Variants in CDH1 observed in about 807,000 individuals in gnomAD.
The protein encoded by CDH1 is cadherin-1.
Under a neutral mutation model 84.5 loss-of-function variants are expected in CDH1, and 35 were observed. That is an observed-to-expected ratio of 0.41 (90% CI 0.32 to 0.55). The LOEUF is 0.55. Among genes scored for constraint, CDH1 ranks in the 20% least tolerant of loss-of-function variants. CDH1 has a pLI of 0.19. For missense variants in CDH1, 994 were observed against 1,126.6 expected (o/e 0.88, Z 1.68); for synonymous variants, 417 against 439.0 (o/e 0.95, Z 0.63).
At chr16:68,791,730 A>G (rs1028173571) in intron 2 of CDH1, among the ~76,000 whole-genome samples, 3 of 151,478 alleles carry the variant, frequency 2.0e-5, no homozygotes, top group Admixed American at 2.0e-4. Context: ...TTATTGATTT[A>G]CTTGTTAATT....
Position 68,808,740 on chromosome 16 carries a change from T to C in CDH1, c.579T>C (p.Thr193=). 6.2e-7 allele frequency: 1 copy of C among 1,614,144 alleles called. No individual in the cohort carries two copies. Among genetic ancestry groups the C allele is most frequent in the Non-Finnish European group, 8.5e-7 (1 of 1,180,016 alleles). ...AAGGCAAGGTTTTCTACAGCATCAC[T>C]GGCCAAGGAGCTGACACACCCCCTG... is the stretch of plus-strand genomic sequence containing the variant. ...DKEGKVFYSI[T]GQGADTPPVG... Residue 193 remains threonine (T), a synonymous_variant, in exon 5 of 16, where the codon ACT becomes ACC. Coordinates refer to ENST00000261769, the MANE Select transcript of CDH1 (RefSeq NM_004360.5).
At chr16:68,740,783 A>C (rs1419892917) in intron 2 of CDH1, among the ~76,000 whole-genome samples, 1 of 152,040 alleles carries the variant, frequency 6.6e-6, no homozygotes, top group Admixed American at 6.6e-5. Flanking sequence ...CACATATTTT[A>C]CCTCATTTAG....
chr16:68,770,357 C>T (rs1387509193), intron 2 of CDH1, among the ~76,000 whole-genome samples: 1 of 152,098 alleles, frequency 6.6e-6, no homozygotes, highest in Non-Finnish European at 1.5e-5. Context: ...TCTTGTGTCC[C>T]ATCCCCACTC....
rs1343572338 is a variant in CDH1, at chr16:68,737,383, G to T, written c.-33G>T. 3.3e-6 allele frequency: 5 copies of T among 1,527,714 alleles called. No homozygotes were observed. The highest frequency in any genetic ancestry group is 4.4e-6 in the Non-Finnish European group (5 of 1,142,848). The allele number at this position is 1,527,714 out of a possible 1,614,324, so 94.6% of individuals were successfully genotyped here. ...GCCCGGCCCGACCCGACCGCACCCGGCGCCTGCCCTCGCTCGGCGTCCCCG... is the reference window on the plus strand; with the variant it reads ...GCCCGGCCCGACCCGACCGCACCCGTCGCCTGCCCTCGCTCGGCGTCCCCG... On this transcript the variant is annotated 5_prime_UTR_variant, in exon 1 of 16. Transcript: ENST00000261769.
At chr16:68,778,390 A>T (rs972784146) in intron 2 of CDH1, among the ~76,000 whole-genome samples, 1 of 152,174 alleles carries the variant, frequency 6.6e-6, no homozygotes, top group African/African-American at 2.4e-5. Flanking sequence ...TGTTAATGAT[A>T]TCTCAATATT....
chr16:68,772,342 G>T lies in CDH1; in HGVS notation c.164-29328G>T, dbSNP rs147924298. On this transcript the variant is annotated intron_variant, in intron 2 of 15. Transcript: ENST00000261769. ...AAGCTTCCTCTCTAATTTATGGTTT[G>T]TCCCTCTCCAACATATGGGAGAGAT... 1.0e-3 allele frequency among the ~76,000 whole-genome samples: 156 copies of T among 152,296 alleles called. 1 individual carries two copies. The highest frequency in any genetic ancestry group is 1.2e-3 in the East Asian group (6 of 5,188).
chr16:68,818,849 C>CAAAAAAAA (rs758115524), intron 10 of CDH1, among the ~76,000 whole-genome samples: 5 of 72,474 alleles, frequency 6.9e-5, no homozygotes, highest in East Asian at 5.9e-4. Flanking sequence ...GACTCCGTCT[C>CAAAAAAAA]AAAAAAAAAA....
chr16:68,801,719 C>T lies in CDH1; in HGVS notation c.213C>T (p.Leu71=), dbSNP rs376667778. The part of the protein sequence containing the change: ...TGRQRTAYFS[L]DTRFKVGTDG... The stretch of plus-strand genomic sequence containing the variant: ...GACAAAGGACAGCCTATTTTTCCCT[C>T]GACACCCGATTCAAAGTGGGCACAG... Residue 71 remains leucine (L), a synonymous_variant, in exon 3 of 16, where the codon CTC becomes CTT. Coordinates refer to ENST00000261769, the MANE Select transcript of CDH1 (RefSeq NM_004360.5). 21 of 1,614,012 alleles carry T rather than the reference C, an allele frequency of 1.3e-5. No individual in the cohort carries two copies. Among genetic ancestry groups the T allele is most frequent in the African/African-American group, 4.0e-5 (3 of 74,922 alleles).
chr16:68,811,967 GGTCTAAGCTTTGC>G (rs1960848625), intron 7 of CDH1, 108 bp downstream of exon 7: 1 of 1,464,686 alleles, frequency 6.8e-7, no homozygotes, highest in African/African-American at 1.4e-5. Context: ...ATACAGTGAT[GGTCTAAGCTTTGC>G]ATCTAAGCTT....
intron 2 of CDH1, among the ~76,000 whole-genome samples, chr16:68,758,334 CAT>C (rs1450315684): frequency 3.6e-5 from 5 of 139,208 alleles, no homozygotes; most frequent in African/African-American, 1.3e-4. Context: ...AGGGGATAAA[CAT>C]AGCCCCTACC....
At position 68,829,810 on chromosome 16, in the gene CDH1, C is replaced by T. The variant is rs765027434; in HGVS notation, c.2439+13C>T. Reference sequence around the variant, plus strand: ...TTTTATTGATGAAGTAAGTAATCCACGTGGAAAGCCAAAGCATGGCTCATC... The same window carrying T: ...TTTTATTGATGAAGTAAGTAATCCATGTGGAAAGCCAAAGCATGGCTCATC... On this transcript the variant is annotated intron_variant, in intron 15 of 15. Transcript: ENST00000261769. The T allele has an allele frequency of 5.0e-6, 8 of 1,612,958 alleles. No individual in the cohort carries two copies. Among genetic ancestry groups the T allele is most frequent in the Admixed American group, 1.7e-5 (1 of 59,976 alleles).
At chr16:68,755,703 C>T (rs1007330721) in intron 2 of CDH1, among the ~76,000 whole-genome samples, 4 of 152,004 alleles carry the variant, frequency 2.6e-5, no homozygotes, top group East Asian at 1.9e-4. Context: ...TTCCAAGCCA[C>T]TCCCCACCCC....
chr16:68,785,404 C>T (rs1318545625), intron 2 of CDH1, among the ~76,000 whole-genome samples: 2 of 152,166 alleles, frequency 1.3e-5, no homozygotes, highest in African/African-American at 4.8e-5. Flanking sequence ...GTTGGCCAGG[C>T]TGGTCTCCAA....
chr16:68,822,472 C>T, intron 12 of CDH1: 1 of 578,768 alleles, frequency 1.7e-6, no homozygotes, highest in Admixed American at 2.7e-5. Context: ...CAGCCTCTAG[C>T]CACCCTCCAC....
At chr16:68,767,746 A>G (rs1003046035) in intron 2 of CDH1, among the ~76,000 whole-genome samples, 2 of 152,180 alleles carry the variant, frequency 1.3e-5, no homozygotes, top group Admixed American at 6.5e-5. Flanking sequence ...CATAATAGCT[A>G]TATGTATTTC....
chr16:68,833,841 T>A lies in CDH1; in HGVS notation c.*342T>A. The A allele has an allele frequency of 2.5e-6, 1 of 392,682 alleles. No homozygotes were observed. Among genetic ancestry groups the A allele is most frequent in the South Asian group, 3.0e-5 (1 of 32,876 alleles). 24.3% of individuals were successfully genotyped at this position (392,682 alleles called of 1,614,324 possible). ...TTGCAGATTTTCTTAAGGAATTTTG[T>A]CTCACTTTTAAAAAGAAGGGGAGAA... is the stretch of plus-strand genomic sequence containing the variant. On this transcript the variant is annotated 3_prime_UTR_variant, in exon 16 of 16. Coordinates refer to ENST00000261769, the MANE Select transcript of CDH1 (RefSeq NM_004360.5).
At chr16:68,808,153 T>G (rs962810244) in intron 3 of CDH1, among the ~76,000 whole-genome samples, 1 of 152,218 alleles carries the variant, frequency 6.6e-6, no homozygotes, top group Non-Finnish European at 1.5e-5. Flanking sequence ...TACTTGTGTA[T>G]GCATGATGAT....
intron 2 of CDH1, among the ~76,000 whole-genome samples, chr16:68,775,694 T>G (rs923674727): frequency 1.6e-4 from 24 of 152,256 alleles, no homozygotes; most frequent in Admixed American, 4.6e-4. Flanking sequence ...AAAGCATAGC[T>G]GGCATTTCTA....
chr16:68,801,960 C>T (rs1960529637), intron 3 of CDH1, 67 bp downstream of exon 3: 3 of 1,312,414 alleles, frequency 2.3e-6, no homozygotes, highest in Non-Finnish European at 3.3e-6. Context: ...GGTTTCTCAG[C>T]CTTGGTACCG....
Sources: allele counts gnomAD v4.1 joint callset (sites outside exome capture counted in the v4.1 genomes callset), GRCh38; gene constraint gnomAD v4.1.1; transcripts MANE v1.5; gene names NCBI Gene and HGNC (gene_info 2026-07-23, HGNC 2026-07-21).